MCTP1: variants seen among roughly 807,000 people sequenced by gnomAD.
MCTP1 encodes multiple C2 and transmembrane domain containing 1.
Under a neutral mutation model 120.6 loss-of-function variants are expected in MCTP1, and 69 were observed. The observed-to-expected ratio is 0.57, with a 90% confidence interval of 0.47 to 0.70. The LOEUF is 0.70. Among genes scored for constraint, MCTP1 ranks in the 30% least tolerant of loss-of-function variants. The probability of loss-of-function intolerance (pLI) is 0.00; values close to 1 mark genes in which losing one functional copy is unlikely to be tolerated. For missense variants in MCTP1, 1,203 were observed against 1,248.8 expected (o/e 0.96, Z 0.55); for synonymous variants, 529 against 493.1 (o/e 1.07, Z -0.96).
chr5:95,259,648 T>C (rs1391172176), intron 1 of MCTP1, among the ~76,000 whole-genome samples: 2 of 152,102 alleles, frequency 1.3e-5, no homozygotes, highest in African/African-American at 2.4e-5. Flanking sequence ...ATCCTACGAG[T>C]GGCAATACCT....
At chr5:95,283,668 G>A (rs1428976945) in intron 1 of MCTP1, among the ~76,000 whole-genome samples, 188 bp downstream of exon 1, 2 of 152,272 alleles carry the variant, frequency 1.3e-5, no homozygotes, top group Non-Finnish European at 2.9e-5. Flanking sequence ...CCGGGTGCAA[G>A]TCAGAACTCT....
chr5:94,783,544 G>T (rs1337739336), intron 18 of MCTP1, among the ~76,000 whole-genome samples: 1 of 151,784 alleles, frequency 6.6e-6, no homozygotes, highest in Non-Finnish European at 1.5e-5. Flanking sequence ...TTATTCTCCC[G>T]GAACAAAAAT....
At chr5:95,273,920 G>T (rs113127551) in intron 1 of MCTP1, among the ~76,000 whole-genome samples, 1 of 152,082 alleles carries the variant, frequency 6.6e-6, no homozygotes, top group Non-Finnish European at 1.5e-5. Flanking sequence ...CCCTGATCCC[G>T]CAAATCTTTC....
chr5:95,232,978 G>A (rs1229315118), intron 1 of MCTP1, among the ~76,000 whole-genome samples: 1 of 152,176 alleles, frequency 6.6e-6, no homozygotes, highest in Non-Finnish European at 1.5e-5. Flanking sequence ...AAACCTCATA[G>A]AATTGTAAGG....
rs545638351 is a variant in MCTP1 at position 95,168,504 on chromosome 5, G to A, written c.720+115352C>T. Among the ~76,000 whole-genome samples, 15 of 152,268 alleles carry A rather than the reference G, an allele frequency of 9.9e-5. 1 individual carries two copies. The highest frequency in any genetic ancestry group is 2.1e-4 in the South Asian group (1 of 4,830). ...CCTTGGGCAGTATGGCCATTTTCAC[G>A]ATATTGATTCTACCTATCCATGAGC... On this transcript the variant is annotated intron_variant, in intron 1 of 22. Transcript: ENST00000515393.
At chr5:94,977,156 T>C (rs1828300815) in intron 2 of MCTP1, among the ~76,000 whole-genome samples, 1 of 152,084 alleles carries the variant, frequency 6.6e-6, no homozygotes, top group Non-Finnish European at 1.5e-5. Context: ...CAAAATCAAT[T>C]GCATTTTTAT....
rs546273360 is a variant in MCTP1 at position 95,072,950 on chromosome 5, T to C, written c.721-55466A>G. 5.8e-4 allele frequency among the ~76,000 whole-genome samples: 89 copies of C among 152,160 alleles called. 2 individuals are homozygous for C. The highest frequency in any genetic ancestry group is 1.9e-3 in the African/African-American group (78 of 41,522). On this transcript the variant is annotated intron_variant, in intron 1 of 22. Transcript: ENST00000515393. Reference sequence around the variant, plus strand: ...TTAGTAGAGATGAGGTTTCACCGTGTTAGCCAGGATGGTCTCGATCTCCTG... The same window carrying C: ...TTAGTAGAGATGAGGTTTCACCGTGCTAGCCAGGATGGTCTCGATCTCCTG...
intron 12 of MCTP1, among the ~76,000 whole-genome samples, chr5:94,879,822 C>A (rs907078268): frequency 2.6e-5 from 4 of 152,034 alleles, no homozygotes; most frequent in African/African-American, 9.7e-5. Flanking sequence ...GTTCCTGAAC[C>A]ACACCCTGAG....
At chr5:95,277,964 T>C (rs1001303882) in intron 1 of MCTP1, among the ~76,000 whole-genome samples, 10 of 152,116 alleles carry the variant, frequency 6.6e-5, no homozygotes, top group African/African-American at 2.2e-4. Context: ...AATCTCATTA[T>C]GTTACAAATA....
intron 17 of MCTP1, among the ~76,000 whole-genome samples, chr5:94,820,052 A>G (rs954635620): frequency 6.6e-6 from 1 of 152,202 alleles, no homozygotes. Flanking sequence ...CCATGTGGCA[A>G]CTTCTTTTTA....
intron 1 of MCTP1, among the ~76,000 whole-genome samples, chr5:95,181,617 A>G (rs1159349924): frequency 6.6e-6 from 1 of 152,184 alleles, no homozygotes; most frequent in East Asian, 1.9e-4. Flanking sequence ...AGAGAGAGAG[A>G]GAGACAATCC....
intron 1 of MCTP1, among the ~76,000 whole-genome samples, chr5:95,061,869 A>G (rs1011841718): frequency 6.6e-6 from 1 of 152,202 alleles, no homozygotes; most frequent in Admixed American, 6.5e-5. Context: ...TGCTCAATAC[A>G]TAAGGACACT....
At chr5:95,269,099 G>A (rs1274918186) in intron 1 of MCTP1, among the ~76,000 whole-genome samples, 3 of 152,142 alleles carry the variant, frequency 2.0e-5, no homozygotes, top group Admixed American at 2.0e-4. Context: ...AATTCCCACT[G>A]CTTTACTGTT....
intron 12 of MCTP1, among the ~76,000 whole-genome samples, chr5:94,876,786 CA>C (rs935330676): frequency 6.6e-6 from 1 of 151,944 alleles, no homozygotes; most frequent in Non-Finnish European, 1.5e-5. Context: ...ACCACCATGA[CA>C]GCTAGGAAGG....
At chr5:94,934,073 C>A (rs1423574187) in intron 5 of MCTP1, among the ~76,000 whole-genome samples, 1 of 151,804 alleles carries the variant, frequency 6.6e-6, no homozygotes, top group Non-Finnish European at 1.5e-5. Context: ...ACATTTCTGC[C>A]TCTTGAGCCA....
intron 17 of MCTP1, among the ~76,000 whole-genome samples, chr5:94,819,173 G>C (rs1203464142): frequency 6.6e-6 from 1 of 151,280 alleles, no homozygotes; most frequent in African/African-American, 2.4e-5. Context: ...CTGTCACCCA[G>C]GCTGTAGTAC....
chr5:94,917,800 A>T, intron 8 of MCTP1, 96 bp downstream of exon 8: 1 of 862,600 alleles, frequency 1.2e-6, no homozygotes, highest in Non-Finnish European at 1.9e-6. Flanking sequence ...ATAGGTTAGT[A>T]TAGGGAGTGG....
intron 6 of MCTP1, among the ~76,000 whole-genome samples, chr5:94,926,762 A>G (rs60665126): frequency 3.3e-3 from 502 of 152,342 alleles, no homozygotes; most frequent in African/African-American, 0.012. Flanking sequence ...GAACCCAGTT[A>G]TATTAGGTCT....
chr5:95,121,208 G>T (rs904454819), intron 1 of MCTP1, among the ~76,000 whole-genome samples: 1 of 149,922 alleles, frequency 6.7e-6, no homozygotes. Context: ...AACCCAGGAG[G>T]CGGAGCTTGC....
Sources: allele counts gnomAD v4.1 joint callset (sites outside exome capture counted in the v4.1 genomes callset), GRCh38; gene constraint gnomAD v4.1.1; transcripts MANE v1.5; gene names NCBI Gene and HGNC (gene_info 2026-07-23, HGNC 2026-07-21).